Variants in DRC10 observed in about 807,000 individuals in gnomAD.
The protein encoded by DRC10 is dynein regulatory complex subunit 10.
chr12:113,207,450 G>C, the DRC10 span: 1 of 1,611,226 alleles, frequency 6.2e-7, no homozygotes, highest in Non-Finnish European at 8.5e-7. Context: ...CTGCATTCCT[G>C]TTCTTCATTC....
the DRC10 span, among the ~76,000 whole-genome samples, chr12:113,209,010 C>T: frequency 0.012 from 1,869 of 152,316 alleles, 33 homozygotes; most frequent in African/African-American, 0.043. Flanking sequence ...CGGCTCACTG[C>T]AACCTCTGCC....
chr12:113,220,555 AAACAAC>A, the DRC10 span, among the ~76,000 whole-genome samples: 4 of 152,094 alleles, frequency 2.6e-5, no homozygotes, highest in African/African-American at 9.7e-5. Flanking sequence ...TGCTCGGCAA[AAACAAC>A]AACAACAACA....
the DRC10 span, chr12:113,200,520 T>TGC: frequency 1.0e-6 from 1 of 991,428 alleles, no homozygotes; most frequent in Non-Finnish European, 1.5e-6. Context: ...GATGGAACAG[T>TGC]CCCACCCATC....
the DRC10 span, among the ~76,000 whole-genome samples, chr12:113,217,649 A>C: frequency 6.6e-6 from 1 of 152,314 alleles, no homozygotes; most frequent in Non-Finnish European, 1.5e-5. Context: ...CTCGTGCCTC[A>C]GCCTCCCAAG....
the DRC10 span, among the ~76,000 whole-genome samples, chr12:113,196,394 T>C: frequency 6.6e-6 from 1 of 151,954 alleles, no homozygotes; most frequent in South Asian, 2.1e-4. Context: ...TCAAACGGAG[T>C]CCCAGAGTTC....
chr12:113,218,303 A>AT, the DRC10 span, among the ~76,000 whole-genome samples: 4,000 of 147,534 alleles, frequency 0.027, 170 homozygotes, highest in African/African-American at 0.092. Context: ...CGCGCAGCTA[A>AT]TTTTTTTTTT....
At chr12:113,207,646 T>C in the DRC10 span, 21 of 1,614,060 alleles carry the variant, frequency 1.3e-5, no homozygotes, top group South Asian at 2.3e-4. Flanking sequence ...ACTTCTACCC[T>C]GTGTCTGCAT....
At chr12:113,204,857 A>G in the DRC10 span, among the ~76,000 whole-genome samples, 173 of 152,200 alleles carry the variant, frequency 1.1e-3, no homozygotes, top group Admixed American at 2.9e-3. Flanking sequence ...TGAACCTGGG[A>G]GGTGAAGGCT....
the DRC10 span, among the ~76,000 whole-genome samples, chr12:113,215,621 A>G: frequency 6.6e-6 from 1 of 152,148 alleles, no homozygotes; most frequent in Admixed American, 6.6e-5. Context: ...CCCATTGTCC[A>G]GTCTCCCCTC....
At chr12:113,213,348 C>T in the DRC10 span, among the ~76,000 whole-genome samples, 1 of 152,204 alleles carries the variant, frequency 6.6e-6, no homozygotes, top group South Asian at 2.1e-4. Context: ...TTTCATCACC[C>T]AGGTAATAAG....
At chr12:113,217,049 A>G in the DRC10 span, among the ~76,000 whole-genome samples, 1 of 152,182 alleles carries the variant, frequency 6.6e-6, no homozygotes, top group African/African-American at 2.4e-5. Context: ...AGATTGCACC[A>G]CTGCACTCCA....
chr12:113,214,041 C>T, the DRC10 span, among the ~76,000 whole-genome samples: 1 of 152,160 alleles, frequency 6.6e-6, no homozygotes, highest in Non-Finnish European at 1.5e-5. Context: ...TCTTTTTAGC[C>T]TCAGAAAGAT....
At chr12:113,198,407 G>A in the DRC10 span, among the ~76,000 whole-genome samples, 3 of 152,166 alleles carry the variant, frequency 2.0e-5, no homozygotes, top group Non-Finnish European at 1.5e-5. Flanking sequence ...AGATGCAGTG[G>A]AGGGACATGA....
At chr12:113,213,016 C>A in the DRC10 span, among the ~76,000 whole-genome samples, 3,359 of 151,752 alleles carry the variant, frequency 0.022, 122 homozygotes, top group East Asian at 0.15. Context: ...TTCAAACAGG[C>A]TTGTTGGATA....
At chr12:113,210,622 A>G in the DRC10 span, among the ~76,000 whole-genome samples, 4 of 151,644 alleles carry the variant, frequency 2.6e-5, no homozygotes, top group South Asian at 8.4e-4. Context: ...GAAAAAAAAA[A>G]AAAAAAGAAC....
At chr12:113,208,167 C>T in the DRC10 span, 1 of 1,609,722 alleles carries the variant, frequency 6.2e-7, no homozygotes, top group Non-Finnish European at 8.5e-7. Context: ...CTAAAGCCAT[C>T]TTGTGAGCAG....
the DRC10 span, among the ~76,000 whole-genome samples, chr12:113,211,630 T>TA: frequency 5.1e-4 from 77 of 150,816 alleles, 1 homozygote; most frequent in East Asian, 0.014. Context: ...TCTTGTCTCT[T>TA]AAAAAAACAA....
the DRC10 span, among the ~76,000 whole-genome samples, chr12:113,209,983 A>G: frequency 1.3e-5 from 2 of 152,182 alleles, no homozygotes; most frequent in African/African-American, 4.8e-5. Context: ...AGAGAATGCC[A>G]GGCATGGTGG....
At chr12:113,199,399 C>CATAA in the DRC10 span, among the ~76,000 whole-genome samples, 5,695 of 150,764 alleles carry the variant, frequency 0.038, 248 homozygotes, top group African/African-American at 0.1. Context: ...CTGTCTCAAA[C>CATAA]ATAAATAAAT....
Sources: allele counts gnomAD v4.1 joint callset (sites outside exome capture counted in the v4.1 genomes callset), GRCh38; gene constraint gnomAD v4.1.1; transcripts MANE v1.5; gene names NCBI Gene and HGNC (gene_info 2026-07-23, HGNC 2026-07-21).